The following ZSCAN20 variants were observed in gnomAD, a reference collection of about 807,000 sequenced individuals.
The protein encoded by ZSCAN20 is zinc finger and SCAN domain-containing protein 20.
In ZSCAN20, 39 loss-of-function variants were observed where a neutral mutation model predicts 97.1. That is an observed-to-expected ratio of 0.40 (90% CI 0.31 to 0.52). ZSCAN20 has a LOEUF of 0.52. Ranked by LOEUF, ZSCAN20 falls within the 20% of genes least tolerant of loss-of-function variation. The pLI is 0.49. For synonymous variants in ZSCAN20, 456 were observed against 467.3 expected, an observed-to-expected ratio of 0.98 and a Z score of 0.31; for missense variants, 1,115 against 1,290.4, an observed-to-expected ratio of 0.86 and a Z score of 2.08.
chr1:33,495,066 T>C lies in ZSCAN20; in HGVS notation c.2722T>C (p.Cys908Arg), dbSNP rs565094744. ...AGAGAAACCATATGAATGTGCCGAA[T>C]GTGGGAAAAGCTTCAGTAAGAGCTC... ...TGEKPYECAECGKSFSKSSTL... is the reference protein window; with the variant it reads ...TGEKPYECAERGKSFSKSSTL... The change falls in exon 8 of 8, where the codon TGT (cysteine) becomes CGT (arginine). Residue 908 changes from cysteine (C) to arginine (R), a missense_variant. By Grantham distance (180) the Cys-to-Arg change is radical. This residue lies in a region of ZSCAN20 where 554 missense variants were observed against 584.9 expected (regional missense o/e 0.95). Coordinates refer to ENST00000684572, the MANE Select transcript of ZSCAN20 (RefSeq NM_001377376.1). The C allele has an allele frequency of 6.2e-7, 1 of 1,612,544 alleles. No individual in the cohort carries two copies.
intron 2 of ZSCAN20, among the ~76,000 whole-genome samples, chr1:33,483,636 G>C (rs1049527541): frequency 3.4e-5 from 5 of 146,616 alleles, no homozygotes; most frequent in Non-Finnish European, 7.4e-5. Flanking sequence ...CCAGGAGTTT[G>C]AGAACAGCCT....
chr1:33,485,250 T>A (rs914459895), intron 2 of ZSCAN20, among the ~76,000 whole-genome samples: 2 of 152,136 alleles, frequency 1.3e-5, no homozygotes, highest in African/African-American at 4.8e-5. Context: ...GTAAAGGAAT[T>A]GGTCTTTTTC....
At position 33,491,586 on chromosome 1, in the gene ZSCAN20, G is replaced by T. The variant is rs1445984147; in HGVS notation, c.1328G>T (p.Gly443Val). ...GCAGAGATGGATGAGCAGGAGGAAG[G>T]GGGCTGGGATCCTGAAGAAATGGCA... ...SDAEMDEQEE[G>V]GWDPEEMAED... The change falls in exon 6 of 8, where the codon GGG (glycine) becomes GTG (valine). Residue 443 changes from glycine to valine, a missense_variant. Gly to Val is a moderately radical substitution (Grantham distance 109). Transcript: ENST00000684572. The surrounding 1 kb of genome is among the most constrained non-coding windows in gnomAD (Gnocchi z 4.3). 1 of 1,614,158 alleles carries T rather than the reference G, an allele frequency of 6.2e-7. No homozygotes were observed. The highest frequency in any genetic ancestry group is 8.5e-7 in the Non-Finnish European group (1 of 1,179,998).
intron 2 of ZSCAN20, among the ~76,000 whole-genome samples, chr1:33,487,376 C>T (rs1652410830): frequency 6.6e-6 from 1 of 152,174 alleles, no homozygotes; most frequent in African/African-American, 2.4e-5. Context: ...GACCTCTCTA[C>T]CTGTGAACTT....
intron 7 of ZSCAN20, 47 bp from the exon 8 acceptor site, chr1:33,494,169 ACG>A (rs778661228): frequency 2.0e-6 from 3 of 1,476,882 alleles, no homozygotes; most frequent in African/African-American, 2.8e-5. Flanking sequence ...ACACACACAC[ACG>A]CGCGCTAATG....
At position 33,479,211 on chromosome 1, in the gene ZSCAN20, T is replaced by C; in HGVS notation, c.-78T>C. On this transcript the variant is annotated 5_prime_UTR_variant, in exon 2 of 8. Transcript: ENST00000684572. ...GGGAGCAGTCCCTTTTCTAGGAGCCTCTTGAAGGACTCACCGTAGATGCAG... is the reference window on the plus strand; with the variant it reads ...GGGAGCAGTCCCTTTTCTAGGAGCCCCTTGAAGGACTCACCGTAGATGCAG... The C allele has an allele frequency of 6.8e-7, 1 of 1,470,114 alleles. No individual in the cohort carries two copies. The highest frequency in any genetic ancestry group is 1.4e-5 in the African/African-American group (1 of 71,000). The allele number at this position is 1,470,114 out of a possible 1,614,324, so 91.1% of individuals were successfully genotyped here. A position where few individuals can be genotyped will look rare whatever the true frequency, so the allele number is the denominator to read the frequency against.
At chr1:33,478,234 G>A (rs757316225) in intron 1 of ZSCAN20, among the ~76,000 whole-genome samples, 2 of 152,168 alleles carry the variant, frequency 1.3e-5, no homozygotes, top group Non-Finnish European at 2.9e-5. Context: ...GGTGAGGTGA[G>A]TGGAGGCAGG....
At chr1:33,484,636 T>A (rs1440171894) in intron 2 of ZSCAN20, among the ~76,000 whole-genome samples, 1 of 151,018 alleles carries the variant, frequency 6.6e-6, no homozygotes, top group Non-Finnish European at 1.5e-5. Context: ...TTTTTTTTTT[T>A]AGCTGGAGTC....
rs937645199 is a variant in ZSCAN20, at chr1:33,497,985, C to T, written c.*2509C>T. On this transcript the variant is annotated 3_prime_UTR_variant, in exon 8 of 8. Coordinates refer to ENST00000684572, the MANE Select transcript of ZSCAN20 (RefSeq NM_001377376.1). ...GGCTAGGACTAGAGATCTGTGTATGCGAAGTAGTTAAACTAATGAGAAAGG... is the reference window on the plus strand; with the variant it reads ...GGCTAGGACTAGAGATCTGTGTATGTGAAGTAGTTAAACTAATGAGAAAGG... 2.0e-5 allele frequency among the ~76,000 whole-genome samples: 3 copies of T among 152,034 alleles called. No homozygotes were observed. Among genetic ancestry groups the T allele is most frequent in the African/African-American group, 4.8e-5 (2 of 41,378 alleles).
Position 33,494,428 on chromosome 1 carries a change from A to C in ZSCAN20, c.2084A>C (p.Glu695Ala). 6.2e-7 allele frequency: 1 copy of C among 1,613,612 alleles called. No individual in the cohort carries two copies. Among genetic ancestry groups the C allele is most frequent in the African/African-American group, 1.3e-5 (1 of 75,008 alleles). ...GAAAGTTCTTCTGAAGAGGACTTAG[A>C]AAAACTTATTGACCATCAAGGCCTG... ...WQESSSEEDL[E>A]KLIDHQGLYL... is the part of the protein sequence containing the mutation. The change falls in exon 8 of 8, where the codon GAA (glutamate) becomes GCA (alanine). Residue 695 changes from glutamate to alanine, a missense_variant. Transcript: ENST00000684572.
At chr1:33,479,935 G>C (rs1652083426) in intron 2 of ZSCAN20, among the ~76,000 whole-genome samples, 3 of 152,116 alleles carry the variant, frequency 2.0e-5, no homozygotes, top group Admixed American at 2.0e-4. Context: ...AATTTTACCA[G>C]TGAGAAAACA....
At chr1:33,488,874 C>T (rs1652479232) in intron 3 of ZSCAN20, among the ~76,000 whole-genome samples, 1 of 151,978 alleles carries the variant, frequency 6.6e-6, no homozygotes. Flanking sequence ...GCAGCAGGTG[C>T]AGGCTGGGAC....
chr1:33,482,805 C>T (rs929017938), intron 2 of ZSCAN20, among the ~76,000 whole-genome samples: 3 of 152,146 alleles, frequency 2.0e-5, no homozygotes, highest in Admixed American at 6.5e-5. Context: ...TTGCAATTCA[C>T]CAATAACCTA....
At chr1:33,488,153 G>T (rs1268178647) in intron 2 of ZSCAN20, among the ~76,000 whole-genome samples, 2 of 151,552 alleles carry the variant, frequency 1.3e-5, no homozygotes, top group Non-Finnish European at 2.9e-5. Context: ...ACCTATTTTT[G>T]ATGCTTATGG....
chr1:33,478,436 G>A (rs755604772), intron 1 of ZSCAN20, among the ~76,000 whole-genome samples: 2 of 152,048 alleles, frequency 1.3e-5, no homozygotes, highest in Non-Finnish European at 2.9e-5. Context: ...GGGAGCTTCA[G>A]AAGGCAGACA....
At position 33,479,615 on chromosome 1, in the gene ZSCAN20, C is replaced by T. The variant is rs368886683; in HGVS notation, c.327C>T (p.Thr109=). The T allele has an allele frequency of 1.2e-6, 2 of 1,612,964 alleles. No individual in the cohort carries two copies. Among genetic ancestry groups the T allele is most frequent in the African/African-American group, 1.3e-5 (1 of 74,862 alleles). The change falls in exon 2 of 8, where the codon ACC becomes ACT. Residue 109 remains threonine (T), a synonymous_variant. Transcript: ENST00000684572. ...CTATCTTGCCTAGGGAGGTCCAGAC[C>T]TGGGTGCAGGCACGCCACCCTGAGA... ...FLTILPREVQ[T]WVQARHPESG...
chr1:33,482,525 CT>C, intron 2 of ZSCAN20, among the ~76,000 whole-genome samples: 1 of 152,336 alleles, frequency 6.6e-6, no homozygotes, highest in South Asian at 2.1e-4. Flanking sequence ...TATGAAGCTG[CT>C]GTAAATATTC....
At chr1:33,483,194 T>G (rs1314102755) in intron 2 of ZSCAN20, among the ~76,000 whole-genome samples, 2 of 152,112 alleles carry the variant, frequency 1.3e-5, no homozygotes, top group Admixed American at 6.5e-5. Flanking sequence ...AGTTTTTCAT[T>G]TTAACGTTAA....
chr1:33,487,058 T>G (rs1049567563), intron 2 of ZSCAN20, among the ~76,000 whole-genome samples: 3 of 152,174 alleles, frequency 2.0e-5, no homozygotes, highest in Non-Finnish European at 4.4e-5. Flanking sequence ...TAAGTTTTTG[T>G]ATAAAAAAGA....
Sources: allele counts gnomAD v4.1 joint callset (sites outside exome capture counted in the v4.1 genomes callset), GRCh38; gene constraint gnomAD v4.1.1; regional missense constraint gnomAD v4.1.1; non-coding constraint Gnocchi (gnomAD v3.1); transcripts MANE v1.5; gene names NCBI Gene and HGNC (gene_info 2026-07-23, HGNC 2026-07-21).